GRIK4: variants seen among roughly 807,000 people sequenced by gnomAD.
GRIK4 encodes the protein glutamate receptor ionotropic, kainate 4.
A neutral mutation model predicts 104.9 loss-of-function variants in GRIK4; 40 were observed. The ratio of observed to expected loss-of-function variants is 0.38; its 90% CI spans 0.30 to 0.50. The LOEUF is 0.50. GRIK4 is among the 20% of genes least tolerant of loss of function. The pLI, the probability that GRIK4 is intolerant of heterozygous loss-of-function variation, is 0.93. For synonymous variants in GRIK4, 485 were observed against 524.9 expected (o/e 0.92, Z 1.04); for missense variants, 1,047 against 1,308.1 (o/e 0.80, Z 3.08).
At chr11:120,628,873 C>T (rs1379388908) in intron 1 of GRIK4, among the ~76,000 whole-genome samples, 1 of 152,128 alleles carries the variant, frequency 6.6e-6, no homozygotes, top group Non-Finnish European at 1.5e-5. Flanking sequence ...TTCTTCCCTC[C>T]CTCCCTTCCT....
intron 1 of GRIK4, among the ~76,000 whole-genome samples, chr11:120,519,127 C>T (rs1053174581): frequency 6.6e-6 from 1 of 152,174 alleles, no homozygotes; most frequent in Admixed American, 6.5e-5. Context: ...GTCTCTAACA[C>T]TAGGCTGACA....
At chr11:120,542,424 C>T (rs2070266065) in intron 1 of GRIK4, among the ~76,000 whole-genome samples, 1 of 152,132 alleles carries the variant, frequency 6.6e-6, no homozygotes, top group South Asian at 2.1e-4. Flanking sequence ...ATGCCAAAAG[C>T]ATATGCACCA....
At chr11:120,915,630 C>A (rs756356606) in intron 13 of GRIK4, among the ~76,000 whole-genome samples, 1 of 152,162 alleles carries the variant, frequency 6.6e-6, no homozygotes, top group Non-Finnish European at 1.5e-5. Context: ...TTGCCCTGTC[C>A]TCTGGCTTCC....
intron 3 of GRIK4, among the ~76,000 whole-genome samples, chr11:120,705,671 G>A (rs924157965): frequency 7.9e-5 from 12 of 152,102 alleles, no homozygotes; most frequent in African/African-American, 1.7e-4. Flanking sequence ...TAATTGAGTC[G>A]TCTTTAATTT....
chr11:120,715,364 G>A (rs1421226213), intron 3 of GRIK4, among the ~76,000 whole-genome samples: 1 of 152,156 alleles, frequency 6.6e-6, no homozygotes, highest in Non-Finnish European at 1.5e-5. Context: ...TTGAGCATCC[G>A]TTGTCGGAAA....
chr11:120,983,796 T>C (rs1037059090), intron 20 of GRIK4, among the ~76,000 whole-genome samples: 1 of 152,240 alleles, frequency 6.6e-6, no homozygotes, highest in African/African-American at 2.4e-5. Context: ...ATCAGCCCCC[T>C]ACTAGAGATT....
intron 1 of GRIK4, among the ~76,000 whole-genome samples, chr11:120,639,317 G>A (rs1270815837): frequency 6.6e-6 from 1 of 152,246 alleles, no homozygotes; most frequent in Non-Finnish European, 1.5e-5. Flanking sequence ...GGACAGAGGT[G>A]GAAAGGTGAA....
At chr11:120,631,914 A>G (rs970908610) in intron 1 of GRIK4, among the ~76,000 whole-genome samples, 2 of 152,074 alleles carry the variant, frequency 1.3e-5, no homozygotes, top group African/African-American at 2.4e-5. Flanking sequence ...GAGAACACCA[A>G]CTTGGAGTCA....
rs757362224 is a variant in GRIK4 at position 120,986,217 on chromosome 11, G to A, written c.2828G>A (p.Ser943Asn). ...CCGTCGCCCGCCCGCAGCGAGGAGA[G>A]CCTGGAGTGGGAGAAAACCACCAAC... ...ARPSPARSEE[S>N]LEWEKTTNSS... is the part of the protein sequence containing the mutation. The change falls in exon 21 of 21, where the codon AGC (serine) becomes AAC (asparagine). Residue 943 changes from serine to asparagine, a missense_variant. By Grantham distance (46) the Ser-to-Asn change is conservative (BLOSUM62 1). Around this residue, in one of 3 missense-constraint regions of GRIK4, gnomAD observed 160 missense variants for 140.9 expected, o/e 1.14. Transcript: ENST00000527524. 2 of 1,572,950 alleles carry A rather than the reference G, an allele frequency of 1.3e-6. No homozygotes were observed. Among genetic ancestry groups the A allele is most frequent in the African/African-American group, 1.4e-5 (1 of 71,762 alleles).
At chr11:120,520,185 G>A (rs1262854146) in intron 1 of GRIK4, among the ~76,000 whole-genome samples, 1 of 152,070 alleles carries the variant, frequency 6.6e-6, no homozygotes, top group African/African-American at 2.4e-5. Context: ...GAGCCACTGC[G>A]CCCAGCCTAC....
intron 19 of GRIK4, among the ~76,000 whole-genome samples, chr11:120,980,616 T>C (rs1030652177): frequency 5.9e-5 from 9 of 152,238 alleles, no homozygotes; most frequent in African/African-American, 2.2e-4. Flanking sequence ...TAAGGGCTTT[T>C]TGCCCATTTA....
chr11:120,645,130 AGTGTGT>A (rs10566673), intron 1 of GRIK4, among the ~76,000 whole-genome samples: 106,303 of 151,054 alleles, frequency 0.7, 37,684 homozygotes, highest in African/African-American at 0.81. Flanking sequence ...TATGGTGTGT[AGTGTGT>A]GTGTGTGTGT....
In GRIK4 at chr11:120,986,812, A is replaced by C. The variant is rs1944763385; in HGVS notation, c.*552A>C. ...TTTGTTTTGTGTTTTTTGGAGGGGGAGGCTGGGTTAGGGAATGGAAGCCTA... is the reference window on the plus strand; with the variant it reads ...TTTGTTTTGTGTTTTTTGGAGGGGGCGGCTGGGTTAGGGAATGGAAGCCTA... On this transcript the variant is annotated 3_prime_UTR_variant, in exon 21 of 21. Transcript: ENST00000527524. 1 of 148,262 alleles carries C rather than the reference A, an allele frequency of 6.7e-6. No individual in the cohort carries two copies. The highest frequency in any genetic ancestry group is 1.5e-5 in the Non-Finnish European group (1 of 67,234). The allele number at this position is 148,262 out of a possible 1,614,324, so 9.2% of individuals were successfully genotyped here.
chr11:120,811,391 C>T (rs1463922709), intron 4 of GRIK4, among the ~76,000 whole-genome samples: 4 of 152,148 alleles, frequency 2.6e-5, no homozygotes, highest in African/African-American at 7.2e-5. Flanking sequence ...CTGTGCGGTG[C>T]AGTGGTTAAG....
At chr11:120,679,709 G>A (rs1420460393) in intron 3 of GRIK4, among the ~76,000 whole-genome samples, 1 of 152,176 alleles carries the variant, frequency 6.6e-6, no homozygotes, top group Non-Finnish European at 1.5e-5. Flanking sequence ...GCCCACCTCA[G>A]ACATGCTAAC....
At chr11:120,704,034 C>G (rs912878776) in intron 3 of GRIK4, among the ~76,000 whole-genome samples, 1 of 152,112 alleles carries the variant, frequency 6.6e-6, no homozygotes, top group Non-Finnish European at 1.5e-5. Context: ...GCTTTGTTGC[C>G]AAAGGCGAAA....
At chr11:120,897,320 T>C (rs927915206) in intron 11 of GRIK4, among the ~76,000 whole-genome samples, 1 of 151,632 alleles carries the variant, frequency 6.6e-6, no homozygotes, top group African/African-American at 2.4e-5. Flanking sequence ...TAATGTATTG[T>C]ACATTTAAAA....
chr11:120,876,580 A>T (rs1954826953), intron 11 of GRIK4, among the ~76,000 whole-genome samples: 1 of 151,364 alleles, frequency 6.6e-6, no homozygotes, highest in African/African-American at 2.4e-5. Context: ...TGTCATATAT[A>T]TTTTCTCTTT....
In GRIK4 at chr11:120,513,584, C is replaced by A. The variant is rs141714357; in HGVS notation, c.-159+1697C>A. 1.3e-5 allele frequency among the ~76,000 whole-genome samples: 2 copies of A among 152,192 alleles called. No homozygotes were observed. Among genetic ancestry groups the A allele is most frequent in the Non-Finnish European group, 1.5e-5 (1 of 68,040 alleles). ...CCAGATGTGTTCCTCAAGGTCACGA[C>A]CCTTCGGAGAGTTAATCTAATATGC... is the stretch of plus-strand genomic sequence containing the variant. On this transcript the variant is annotated intron_variant, in intron 1 of 20. Transcript: ENST00000527524. This position sits in a 1 kb window ranked among gnomAD's most constrained non-coding sequence, Gnocchi z 4.5.
Sources: gnomAD v4.1 joint callset for allele counts (sites outside exome capture counted in the v4.1 genomes callset) on GRCh38, gnomAD v4.1.1 for gene constraint, gnomAD v4.1.1 regional missense constraint, Gnocchi (gnomAD v3.1) non-coding constraint, MANE v1.5 for transcripts, NCBI Gene and HGNC (gene_info 2026-07-23, HGNC 2026-07-21) for gene names.